TTC21B: variants seen among roughly 807,000 people sequenced by gnomAD.
TTC21B encodes tetratricopeptide repeat domain 21B.
In TTC21B, 127 loss-of-function variants were observed where a neutral mutation model predicts 175.1. That is an observed-to-expected ratio of 0.73 (90% confidence interval 0.63 to 0.84). The LOEUF (loss-of-function observed/expected upper bound fraction) is 0.84. Ranked by LOEUF, TTC21B falls within the 40% of genes least tolerant of loss-of-function variation. The probability of loss-of-function intolerance (pLI) is 0.00; values close to 1 mark genes in which losing one functional copy is unlikely to be tolerated. For synonymous variants in TTC21B, 524 were observed against 524.5 expected (o/e 1.00, Z 0.01); for missense variants, 1,561 against 1,558.3 (o/e 1.00, Z -0.03).
rs752998754 is a variant in TTC21B at position 165,883,944 on chromosome 2, G to GT, written c.3533dup (p.Asn1178LysfsTer15). ...TCATTTTCGCAATACGCTTCAGCTG[G>GT]TTTCTGGCTCGTGGAGTCTGTTTCA... On this transcript the variant is annotated frameshift_variant, in exon 26 of 29. Transcript: ENST00000243344. LOFTEE classifies it high-confidence loss of function. 1.2e-6 allele frequency: 2 copies of GT among 1,614,056 alleles called. No individual in the cohort carries two copies. The highest frequency in any genetic ancestry group is 1.7e-6 in the Non-Finnish European group (2 of 1,179,984).
At chr2:165,950,354 A>C (rs1272740866) in intron 1 of TTC21B, among the ~76,000 whole-genome samples, 1 of 152,220 alleles carries the variant, frequency 6.6e-6, no homozygotes, top group African/African-American at 2.4e-5. Context: ...AACTACTATC[A>C]GGACCTACTA....
chr2:165,923,284 C>G, intron 12 of TTC21B, among the ~76,000 whole-genome samples: 1 of 151,964 alleles, frequency 6.6e-6, no homozygotes, highest in African/African-American at 2.4e-5. Flanking sequence ...TCCAAGGAAG[C>G]AGTAAAGACA....
intron 20 of TTC21B, 69 bp from the exon 21 acceptor site, chr2:165,899,949 G>A: frequency 1.3e-6 from 1 of 780,926 alleles, no homozygotes; most frequent in Non-Finnish European, 2.0e-6. Flanking sequence ...AAATACGTGG[G>A]TACAGATTAA....
intron 12 of TTC21B, among the ~76,000 whole-genome samples, chr2:165,921,502 G>A (rs553149134): frequency 2.6e-5 from 4 of 152,296 alleles, no homozygotes; most frequent in African/African-American, 9.6e-5. Flanking sequence ...GTAATTTCAA[G>A]TCTAGTGCTT....
chr2:165,945,463 G>T, intron 4 of TTC21B, 61 bp downstream of exon 4: 1 of 1,444,956 alleles, frequency 6.9e-7, no homozygotes, highest in Non-Finnish European at 9.6e-7. Flanking sequence ...GATACTACTG[G>T]ATATATCAAT....
intron 18 of TTC21B, among the ~76,000 whole-genome samples, chr2:165,908,141 T>G (rs140837433): frequency 2.8e-4 from 42 of 152,278 alleles, no homozygotes; most frequent in African/African-American, 9.9e-4. Context: ...TATATGCAAT[T>G]AAGAAGATAA....
Position 165,873,934 on chromosome 2 carries a change from G to A in TTC21B, c.*821C>T, listed in dbSNP as rs892862321. 56 of 151,746 alleles carry A rather than the reference G, an allele frequency of 3.7e-4. 1 individual carries two copies. Among genetic ancestry groups the A allele is most frequent in the African/African-American group, 1.3e-3 (54 of 41,332 alleles). 9.4% of individuals were successfully genotyped at this position (151,746 alleles called of 1,614,324 possible). A position where few individuals can be genotyped will look rare whatever the true frequency, so the allele number is the denominator to read the frequency against. On this transcript the variant is annotated 3_prime_UTR_variant, in exon 29 of 29. Coordinates refer to ENST00000243344, the MANE Select transcript of TTC21B (RefSeq NM_024753.5). ...TACCACATCTTTTGAGTTCCAAGAG[G>A]AATATAAATCATCTATTTATAAAAC...
At chr2:165,906,174 G>T (rs1167447879) in intron 19 of TTC21B, among the ~76,000 whole-genome samples, 2 of 143,558 alleles carry the variant, frequency 1.4e-5, no homozygotes, top group African/African-American at 5.1e-5. Flanking sequence ...CCAGTGTTGA[G>T]AGAGAAATTT....
intron 10 of TTC21B, 122 bp from the exon 11 acceptor site, chr2:165,929,457 T>C (rs925104211): frequency 3.2e-6 from 3 of 944,842 alleles, no homozygotes; most frequent in African/African-American, 3.3e-5. Context: ...ACTCAAGTAT[T>C]AGCTTGAATA....
At chr2:165,934,514 A>AAAG (rs1687045857) in intron 6 of TTC21B, among the ~76,000 whole-genome samples, 1 of 147,220 alleles carries the variant, frequency 6.8e-6, no homozygotes, top group East Asian at 2.0e-4. Context: ...AAAAAAAAAA[A>AAAG]AAAAAAAGAA....
chr2:165,943,237 A>G lies in TTC21B; in HGVS notation c.534T>C (p.Thr178=), dbSNP rs773962282. Residue 178 remains threonine, a synonymous_variant, in exon 5 of 29, where the codon ACT becomes ACC. Transcript: ENST00000243344. ...AACTCACCTTACCCAGCAGAGCAAA[A>G]GTATCATTCCCATCTTGGAGTCCCT... ...FEEGLQDGND[T]FALLGKAQCL... is the part of the protein sequence containing the mutation. The G allele has an allele frequency of 1.9e-6, 3 of 1,613,672 alleles. No homozygotes were observed. Among genetic ancestry groups the G allele is most frequent in the Non-Finnish European group, 2.5e-6 (3 of 1,179,634 alleles).
chr2:165,931,909 T>C (rs1184582469), intron 7 of TTC21B, 53 bp from the exon 8 acceptor site: 2 of 1,198,306 alleles, frequency 1.7e-6, no homozygotes, highest in African/African-American at 1.5e-5. Flanking sequence ...AAAAACAACA[T>C]AATACATGCA....
chr2:165,929,883 A>G (rs1574120523), intron 9 of TTC21B, 136 bp from the exon 10 acceptor site: 2 of 728,748 alleles, frequency 2.7e-6, no homozygotes, highest in Non-Finnish European at 4.8e-6. Context: ...AAACAACAGA[A>G]AGAAAGAAAA....
intron 4 of TTC21B, among the ~76,000 whole-genome samples, chr2:165,944,138 T>G (rs1290317650): frequency 1.3e-5 from 2 of 152,142 alleles, no homozygotes; most frequent in African/African-American, 4.8e-5. Flanking sequence ...TTGAATGGTT[T>G]TAACTATTGT....
At chr2:165,900,008 CAAAAA>C in intron 20 of TTC21B, 128 bp from the exon 21 acceptor site, 2 of 139,394 alleles carry the variant, frequency 1.4e-5, no homozygotes, top group Non-Finnish European at 1.4e-5. Context: ...GTATAATAGA[CAAAAA>C]AAAAAAAAAA....
At chr2:165,942,369 T>C (rs1377359411) in intron 5 of TTC21B, among the ~76,000 whole-genome samples, 3 of 152,206 alleles carry the variant, frequency 2.0e-5, no homozygotes, top group Non-Finnish European at 4.4e-5. Context: ...CCTACTTAAA[T>C]ATTTCCATCC....
chr2:165,916,724 T>C (rs567539885), intron 14 of TTC21B, among the ~76,000 whole-genome samples: 3 of 152,296 alleles, frequency 2.0e-5, no homozygotes, highest in African/African-American at 4.8e-5. Flanking sequence ...TTATGTTCCA[T>C]TGTAGCCAAC....
At chr2:165,938,198 T>C (rs1446636174) in intron 6 of TTC21B, among the ~76,000 whole-genome samples, 2 of 151,666 alleles carry the variant, frequency 1.3e-5, no homozygotes, top group Non-Finnish European at 2.9e-5. Flanking sequence ...TAAGGAATTC[T>C]TGGCATTTTT....
chr2:165,948,068 G>C (rs536627894), intron 3 of TTC21B: 1 of 152,206 alleles, frequency 6.6e-6, no homozygotes, highest in South Asian at 2.1e-4. Flanking sequence ...CGGAGAAAGG[G>C]GATCCACAGA....
Sources: allele counts gnomAD v4.1 joint callset (sites outside exome capture counted in the v4.1 genomes callset), GRCh38; gene constraint gnomAD v4.1.1; transcripts MANE v1.5; gene names NCBI Gene and HGNC (gene_info 2026-07-23, HGNC 2026-07-21).